Variants in SAMD5 observed in about 807,000 individuals in gnomAD.
The protein encoded by SAMD5 is sterile alpha motif domain containing 5.
SAMD5 carries 13 observed loss-of-function variants against 11.3 expected under a neutral mutation model. The ratio of observed to expected loss-of-function variants is 1.15; its 90% CI spans 0.75 to 1.83. The LOEUF (loss-of-function observed/expected upper bound fraction) is 1.83. SAMD5 is among the 40% of genes most tolerant of loss of function. The pLI, the probability that SAMD5 is intolerant of heterozygous loss-of-function variation, is 0.00. For missense variants in SAMD5, 255 were observed against 239.1 expected (o/e 1.07, Z -0.44); for synonymous variants, 129 against 111.3 (o/e 1.16, Z -1.00).
the SAMD5 span, among the ~76,000 whole-genome samples, chr6:147,809,515 G>C: frequency 6.6e-6 from 1 of 152,094 alleles, no homozygotes. Flanking sequence ...TGTTTCAAAT[G>C]ATTTTCTTTT....
the SAMD5 span, among the ~76,000 whole-genome samples, chr6:147,941,288 A>G: frequency 2.0e-5 from 3 of 152,216 alleles, no homozygotes; most frequent in Admixed American, 6.5e-5. Context: ...GTGAATAAAC[A>G]GTGACTCTGC....
At chr6:147,648,710 C>T (rs1790439765) in intron 1 of SAMD5, among the ~76,000 whole-genome samples, 1 of 152,180 alleles carries the variant, frequency 6.6e-6, no homozygotes, top group East Asian at 1.9e-4. Flanking sequence ...GAGAAATGTG[C>T]TTGGTACTCT....
intron 1 of SAMD5, among the ~76,000 whole-genome samples, chr6:147,680,610 A>C (rs1790927803): frequency 6.6e-6 from 1 of 151,900 alleles, no homozygotes; most frequent in Non-Finnish European, 1.5e-5. Context: ...GAACGCATTC[A>C]CTCTTTCATC....
chr6:147,574,365 AG>A (rs983718944), downstream of SAMD5, among the ~76,000 whole-genome samples: 5 of 152,228 alleles, frequency 3.3e-5, no homozygotes, highest in Non-Finnish European at 5.9e-5. Flanking sequence ...CAAGAAAGTT[AG>A]AATTGGAATC....
the SAMD5 span, among the ~76,000 whole-genome samples, chr6:147,876,325 G>C: frequency 6.6e-6 from 1 of 152,198 alleles, no homozygotes. Flanking sequence ...GGAGTAGCTA[G>C]TCACTAGCCT....
chr6:147,595,042 T>C (rs536624627), intron 1 of SAMD5, among the ~76,000 whole-genome samples: 14 of 152,356 alleles, frequency 9.2e-5, no homozygotes, highest in African/African-American at 3.1e-4. Flanking sequence ...AAAAACTTGC[T>C]GAAGCTATTA....
chr6:147,782,134 G>GAA, the SAMD5 span, among the ~76,000 whole-genome samples: 108 of 138,668 alleles, frequency 7.8e-4, no homozygotes, highest in African/African-American at 1.6e-3. Flanking sequence ...TTGAGATCAG[G>GAA]AAAAAAAAAA....
the SAMD5 span, among the ~76,000 whole-genome samples, chr6:147,796,496 A>G: frequency 6.6e-6 from 1 of 152,268 alleles, no homozygotes; most frequent in Middle Eastern, 3.4e-3. Context: ...GAAGTCAGGT[A>G]GTGTGATGCC....
At chr6:147,772,691 G>T in the SAMD5 span, among the ~76,000 whole-genome samples, 2 of 152,138 alleles carry the variant, frequency 1.3e-5, no homozygotes, top group African/African-American at 2.4e-5. Context: ...CTGTGTCTCT[G>T]AGTGTCCAAA....
the SAMD5 span, among the ~76,000 whole-genome samples, chr6:147,777,593 A>C: frequency 6.6e-6 from 1 of 152,146 alleles, no homozygotes; most frequent in Admixed American, 6.5e-5. Flanking sequence ...GTACATTCAC[A>C]ATGTTGTGTA....
At chr6:147,869,857 C>A in the SAMD5 span, among the ~76,000 whole-genome samples, 3 of 152,088 alleles carry the variant, frequency 2.0e-5, no homozygotes, top group East Asian at 5.8e-4. Flanking sequence ...ACCACTACAA[C>A]CAGCTAACTT....
At chr6:147,619,662 C>A (rs1469590822) in intron 1 of SAMD5, among the ~76,000 whole-genome samples, 1 of 152,184 alleles carries the variant, frequency 6.6e-6, no homozygotes, top group Admixed American at 6.5e-5. Context: ...TTCAGAAATT[C>A]TTTGGAAACA....
intron 1 of SAMD5, among the ~76,000 whole-genome samples, chr6:147,523,926 C>T (rs977181222): frequency 6.6e-6 from 1 of 152,090 alleles, no homozygotes; most frequent in Non-Finnish European, 1.5e-5. Context: ...AAAACAAAAT[C>T]AGGATATTCA....
chr6:147,698,647 A>G (rs1422316018), intron 1 of SAMD5, among the ~76,000 whole-genome samples: 1 of 152,180 alleles, frequency 6.6e-6, no homozygotes, highest in East Asian at 1.9e-4. Flanking sequence ...CAAAGGATCT[A>G]CCATGTCCCC....
At chr6:147,627,327 G>A (rs9942476) in intron 1 of SAMD5, among the ~76,000 whole-genome samples, 4,378 of 152,262 alleles carry the variant, frequency 0.029, 194 homozygotes, top group African/African-American at 0.099. Context: ...GAGGACCGGG[G>A]TGGTGTGGCA....
At chr6:147,729,820 C>G in intron 1 of SAMD5, 1 of 457,026 alleles carries the variant, frequency 2.2e-6, no homozygotes, top group South Asian at 1.5e-5. Context: ...CGTGGCGACT[C>G]ATGCCTGTAA....
intron 1 of SAMD5, among the ~76,000 whole-genome samples, chr6:147,536,536 T>C (rs1403543738): frequency 6.6e-6 from 1 of 152,184 alleles, no homozygotes; most frequent in African/African-American, 2.4e-5. Flanking sequence ...AAGAAGTTTT[T>C]TTTTTAATTC....
intron 1 of SAMD5, among the ~76,000 whole-genome samples, chr6:147,661,820 G>A (rs1196042917): frequency 6.6e-6 from 1 of 151,832 alleles, no homozygotes; most frequent in Non-Finnish European, 1.5e-5. Flanking sequence ...TCGTAGAAAC[G>A]GGGTTTCACT....
chr6:147,734,172 G>A (rs1300824829), intron 1 of SAMD5, among the ~76,000 whole-genome samples: 1 of 152,178 alleles, frequency 6.6e-6, no homozygotes, highest in African/African-American at 2.4e-5. Flanking sequence ...CATCCCTTAA[G>A]TGGTTTTAGT....
Sources: gnomAD v4.1 joint callset for allele counts (sites outside exome capture counted in the v4.1 genomes callset) on GRCh38, gnomAD v4.1.1 for gene constraint, MANE v1.5 for transcripts, NCBI Gene and HGNC (gene_info 2026-07-23, HGNC 2026-07-21) for gene names.